LRRK1: variants seen among roughly 807,000 people sequenced by gnomAD.
LRRK1 encodes the protein leucine rich repeat kinase 1.
A neutral mutation model predicts 209.1 loss-of-function variants in LRRK1; 113 were observed. The ratio of observed to expected loss-of-function variants is 0.54; its 90% CI spans 0.46 to 0.63. LRRK1 has a LOEUF of 0.63. Ranked by LOEUF, LRRK1 falls within the 30% of genes least tolerant of loss-of-function variation. The pLI is 0.00. For synonymous variants in LRRK1, 1,144 were observed against 1,099.7 expected, an observed-to-expected ratio of 1.04 and a Z score of -0.80; for missense variants, 2,284 against 2,632.2, an observed-to-expected ratio of 0.87 and a Z score of 2.89.
chr15:101,068,489 C>T (rs2036657241), intron 33 of LRRK1, among the ~76,000 whole-genome samples, 182 bp from the exon 34 acceptor site: 1 of 152,172 alleles, frequency 6.6e-6, no homozygotes, highest in Non-Finnish European at 1.5e-5. Flanking sequence ...AAAGCCTAAG[C>T]CCACAGGCTG....
chr15:100,973,356 T>C (rs1039377229), intron 2 of LRRK1, among the ~76,000 whole-genome samples: 17 of 152,338 alleles, frequency 1.1e-4, no homozygotes, highest in Admixed American at 3.3e-4. Context: ...CGTGGGGTTT[T>C]CTGGGCAGGG....
chr15:101,067,361 C>A (rs1042232466), intron 33 of LRRK1: 1 of 446,138 alleles, frequency 2.2e-6, no homozygotes, highest in South Asian at 1.6e-5. Context: ...GTTTACACCC[C>A]GCACTTTGAC....
intron 4 of LRRK1, among the ~76,000 whole-genome samples, chr15:100,986,207 C>CA (rs1038082245): frequency 1.3e-5 from 2 of 151,898 alleles, no homozygotes; most frequent in African/African-American, 4.8e-5. Flanking sequence ...CTGTCTCAAA[C>CA]AAAAAACAAA....
At chr15:101,058,782 A>G (rs2035976508) in intron 29 of LRRK1, among the ~76,000 whole-genome samples, 1 of 147,592 alleles carries the variant, frequency 6.8e-6, no homozygotes, top group Admixed American at 6.7e-5. Context: ...AGGTATTGCC[A>G]GAGTTAAAAA....
intron 2 of LRRK1, among the ~76,000 whole-genome samples, chr15:100,925,916 G>A (rs1437197234): frequency 6.6e-6 from 1 of 152,214 alleles, no homozygotes; most frequent in Non-Finnish European, 1.5e-5. Context: ...TATGGGAGGT[G>A]AAAGGGTCAA....
chr15:100,986,838 G>A (rs1287967424), intron 4 of LRRK1, among the ~76,000 whole-genome samples: 1 of 152,208 alleles, frequency 6.6e-6, no homozygotes, highest in Admixed American at 6.5e-5. Context: ...GGGCTCTGCA[G>A]AAGCTTCCAA....
In LRRK1 at chr15:101,070,915, AATGAGAG is replaced by A. The variant is rs1160193461; in HGVS notation, c.*2069_*2075del. ...TGAGAAAAAAAAACATTGCAACACA[AATGAGAG>A]ACAAAGACCTCACTTATCTTCATTA... On this transcript the variant is annotated 3_prime_UTR_variant, in exon 34 of 34. Transcript: ENST00000388948. 6.6e-6 allele frequency: 1 copy of A among 152,262 alleles called. No homozygotes were observed. The highest frequency in any genetic ancestry group is 1.5e-5 in the Non-Finnish European group (1 of 68,048). 9.4% of individuals were successfully genotyped at this position (152,262 alleles called of 1,614,324 possible). A position where few individuals can be genotyped will look rare whatever the true frequency, so the allele number is the denominator to read the frequency against.
intron 2 of LRRK1, among the ~76,000 whole-genome samples, chr15:100,927,529 G>A (rs529538569): frequency 1.3e-5 from 2 of 152,250 alleles, no homozygotes; most frequent in Admixed American, 1.3e-4. Flanking sequence ...ACTGTGTACT[G>A]TTCAAGGAGC....
chr15:101,021,815 T>G, intron 13 of LRRK1, 30 bp from the exon 14 acceptor site: 2 of 1,244,428 alleles, frequency 1.6e-6, no homozygotes, highest in Non-Finnish European at 2.3e-6. Context: ...TGTGTGTGTA[T>G]TCTCTCGTGG....
chr15:101,069,117 G>T lies in LRRK1; in HGVS notation c.*269G>T, dbSNP rs543848244. On this transcript the variant is annotated 3_prime_UTR_variant, in exon 34 of 34. Coordinates refer to ENST00000388948, the MANE Select transcript of LRRK1 (RefSeq NM_024652.6). ...AAGACAGTGGTATCAGGCTGGGAGCGGCCTCCTCTGGCCTCCCCCATCAGT... is the reference window on the plus strand; with the variant it reads ...AAGACAGTGGTATCAGGCTGGGAGCTGCCTCCTCTGGCCTCCCCCATCAGT... 7 of 312,534 alleles carry T rather than the reference G, an allele frequency of 2.2e-5. No homozygotes were observed. In the East Asian group the frequency reaches 4.0e-4, roughly 18 times the overall value. The allele number at this position is 312,534 out of a possible 1,614,324, so 19.4% of individuals were successfully genotyped here. A position where few individuals can be genotyped will look rare whatever the true frequency, so the allele number is the denominator to read the frequency against.
At chr15:101,012,300 C>T (rs762615666) in intron 10 of LRRK1, among the ~76,000 whole-genome samples, 155 bp downstream of exon 10, 27 of 152,160 alleles carry the variant, frequency 1.8e-4, no homozygotes, top group Non-Finnish European at 3.2e-4. Context: ...TGCATGGCCA[C>T]GAACAGCGAT....
chr15:100,941,543 G>C (rs1364700484), intron 2 of LRRK1, among the ~76,000 whole-genome samples: 1 of 149,624 alleles, frequency 6.7e-6, no homozygotes, highest in African/African-American at 2.5e-5. Context: ...TGGCCTGCCT[G>C]TGTGCTGGCT....
intron 2 of LRRK1, among the ~76,000 whole-genome samples, chr15:100,931,764 G>A (rs1394584501): frequency 6.6e-6 from 1 of 152,166 alleles, no homozygotes; most frequent in Non-Finnish European, 1.5e-5. Flanking sequence ...GCACCCACGG[G>A]TTCAAAAATA....
intron 13 of LRRK1, 35 bp from the exon 14 acceptor site, chr15:101,021,810 G>C (rs765566707): frequency 9.5e-7 from 1 of 1,056,114 alleles, no homozygotes; most frequent in Non-Finnish European, 1.4e-6. Context: ...GTGTGTGTGT[G>C]TGTATTCTCT....
rs1460201906 is a variant in LRRK1, at chr15:101,070,011, A to AC, written c.*1166dup. 1 of 152,206 alleles carries AC rather than the reference A, an allele frequency of 6.6e-6. No homozygotes were observed. The highest frequency in any genetic ancestry group is 2.4e-5 in the African/African-American group (1 of 41,436). The allele number at this position is 152,206 out of a possible 1,614,324, so 9.4% of individuals were successfully genotyped here. On this transcript the variant is annotated 3_prime_UTR_variant, in exon 34 of 34. Coordinates refer to ENST00000388948, the MANE Select transcript of LRRK1 (RefSeq NM_024652.6). The stretch of plus-strand genomic sequence containing the variant: ...ATCATACTCCAGCTGAAGTTTGTTG[A>AC]CCCTTTTCTAAAATTAAAAAGATCA...
intron 2 of LRRK1, among the ~76,000 whole-genome samples, chr15:100,952,381 T>A (rs1260284914): frequency 6.6e-6 from 1 of 152,242 alleles, no homozygotes; most frequent in African/African-American, 2.4e-5. Context: ...CTTTTATTAC[T>A]TCTGGGTTGT....
Position 101,065,387 on chromosome 15 carries a change from G to A in LRRK1, c.4950G>A (p.Gly1650=), listed in dbSNP as rs751582278. 2 of 1,614,088 alleles carry A rather than the reference G, an allele frequency of 1.2e-6. No individual in the cohort carries two copies. Among genetic ancestry groups the A allele is most frequent in the Admixed American group, 1.7e-5 (1 of 60,036 alleles). Residue 1650 remains glycine, a synonymous_variant, in exon 32 of 34, where the codon GGG becomes GGA. Coordinates refer to ENST00000388948, the MANE Select transcript of LRRK1 (RefSeq NM_024652.6). ...TGGTCTTAGCGGGCCTCGCCGATGGGCTTGTGGCTGTGTTTCCCGTGGTGC... is the reference window on the plus strand; with the variant it reads ...TGGTCTTAGCGGGCCTCGCCGATGGACTTGTGGCTGTGTTTCCCGTGGTGC... ...SYLVLAGLAD[G]LVAVFPVVRG... is the part of the protein sequence containing the mutation.
Position 101,052,950 on chromosome 15 carries a change from C to T in LRRK1, c.3718C>T (p.His1240Tyr), listed in dbSNP as rs1429110266. Residue 1240 changes from histidine (H) to tyrosine (Y), a missense_variant, in exon 25 of 34, where the codon CAC becomes TAC. By Grantham distance (83) the His-to-Tyr change is moderately conservative (BLOSUM62 2). Around this residue, in one of 6 missense-constraint regions of LRRK1, gnomAD observed 780 missense variants for 985.2 expected, o/e 0.79. Coordinates refer to ENST00000388948, the MANE Select transcript of LRRK1 (RefSeq NM_024652.6). ...CTTCCTGGAGAACAGCAAGCTGGAG[C>T]ACAGCGAGGACGAGGGCAGCGTCCT... ...RLFLENSKLE[H>Y]SEDEGSVLGQ... 1.2e-6 allele frequency: 2 copies of T among 1,610,444 alleles called. No individual in the cohort carries two copies. Among genetic ancestry groups the T allele is most frequent in the African/African-American group, 2.7e-5 (2 of 74,902 alleles).
chr15:100,973,937 C>G lies in LRRK1; in HGVS notation c.231C>G (p.Ala77=), dbSNP rs901737361. Residue 77 remains alanine (A), a synonymous_variant, in exon 3 of 34, where the codon GCC becomes GCG. Transcript: ENST00000388948. The stretch of plus-strand genomic sequence containing the variant: ...GCGCCCGGGACCTGCTGGAGGAGGC[C>G]TGCGACCAGTGCGCGTCCCAGCTGG... ...RGGARDLLEE[A]CDQCASQLEK... 7.9e-7 allele frequency: 1 copy of G among 1,260,324 alleles called. No homozygotes were observed. Among genetic ancestry groups the G allele is most frequent in the Non-Finnish European group, 1.0e-6 (1 of 996,864 alleles). 78.1% of individuals were successfully genotyped at this position (1,260,324 alleles called of 1,614,324 possible). A position where few individuals can be genotyped will look rare whatever the true frequency, so the allele number is the denominator to read the frequency against.
Sources: gnomAD v4.1 joint callset for allele counts (sites outside exome capture counted in the v4.1 genomes callset) on GRCh38, gnomAD v4.1.1 for gene constraint, gnomAD v4.1.1 regional missense constraint, MANE v1.5 for transcripts, NCBI Gene and HGNC (gene_info 2026-07-23, HGNC 2026-07-21) for gene names.